Variants in CAPN7 observed in about 807,000 individuals in gnomAD.
CAPN7 encodes calpain 7.
CAPN7 carries 72 observed loss-of-function variants against 115.2 expected under a neutral mutation model. The observed-to-expected ratio is 0.63, with a 90% confidence interval of 0.52 to 0.76. The LOEUF is 0.76. Ranked by LOEUF, CAPN7 falls within the 30% of genes least tolerant of loss-of-function variation. The probability of loss-of-function intolerance (pLI) is 0.00; values close to 1 mark genes in which losing one functional copy is unlikely to be tolerated. For missense variants in CAPN7, 905 were observed against 971.5 expected (o/e 0.93, Z 0.91); for synonymous variants, 344 against 322.3 (o/e 1.07, Z -0.72).
chr3:15,233,220 G>A (rs777339295), intron 10 of CAPN7, among the ~76,000 whole-genome samples: 5 of 152,180 alleles, frequency 3.3e-5, no homozygotes, highest in Admixed American at 1.3e-4. Context: ...TCTTAAAGTC[G>A]TAAAGATGAA....
rs1289157642 is a variant in CAPN7, at chr3:15,247,411, C to T, written c.2158C>T (p.His720Tyr). The T allele has an allele frequency of 1.2e-6, 2 of 1,611,238 alleles. No homozygotes were observed. Among genetic ancestry groups the T allele is most frequent in the African/African-American group, 1.3e-5 (1 of 74,630 alleles). The change falls in exon 19 of 21, where the codon CAT (histidine) becomes TAT (tyrosine). Residue 720 changes from histidine to tyrosine, a missense_variant. Physicochemically the swap from His to Tyr is moderately conservative, Grantham distance 83. Around this residue, in one of 3 missense-constraint regions of CAPN7, gnomAD observed 620 missense variants for 703.4 expected, o/e 0.88. Transcript: ENST00000253693. The stretch of plus-strand genomic sequence containing the variant: ...CAAAAATAACCCCATCTACCAATTC[C>T]ATATAGAAAAGACTGGGCCGTTACT... ...THKNNPIYQF[H>Y]IEKTGPLLIE...
At chr3:15,226,790 A>G (rs951015323) in intron 6 of CAPN7, among the ~76,000 whole-genome samples, 2 of 152,146 alleles carry the variant, frequency 1.3e-5, no homozygotes, top group African/African-American at 4.8e-5. Context: ...TACTTTAACC[A>G]GGAGTTTGTA....
rs527592756 is a variant in CAPN7 at position 15,221,519 on chromosome 3, C to T, written c.638+538C>T. On this transcript the variant is annotated intron_variant, in intron 5 of 20. Coordinates refer to ENST00000253693, the MANE Select transcript of CAPN7 (RefSeq NM_014296.3). ...TAGTTCCAGTATATTTTAATATTAG[C>T]GTTTTTGCTAGACATAATACACTTT... is the stretch of plus-strand genomic sequence containing the variant. Among the ~76,000 whole-genome samples, 14 of 151,966 alleles carry T rather than the reference C, an allele frequency of 9.2e-5. No individual in the cohort carries two copies. In the South Asian group the frequency reaches 1.2e-3, roughly 14 times the overall value.
At chr3:15,228,920 T>C (rs1209788611) in intron 7 of CAPN7, 54 bp from the exon 8 acceptor site, 30 of 1,315,654 alleles carry the variant, frequency 2.3e-5, no homozygotes, top group Middle Eastern at 3.7e-4. Context: ...TATATTGCGG[T>C]AATGTTGAAA....
chr3:15,220,537 C>T (rs1693915728), intron 4 of CAPN7, among the ~76,000 whole-genome samples: 1 of 152,172 alleles, frequency 6.6e-6, no homozygotes, highest in Non-Finnish European at 1.5e-5. Flanking sequence ...TACCACTTAC[C>T]TTACCTTGTA....
intron 17 of CAPN7, chr3:15,245,898 T>G (rs1695630379): frequency 4.7e-6 from 2 of 427,286 alleles, no homozygotes; most frequent in African/African-American, 4.1e-5. Flanking sequence ...ATAGTAATAG[T>G]TTAGCCCCGT....
At chr3:15,212,455 T>C (rs1436425666) in intron 2 of CAPN7, among the ~76,000 whole-genome samples, 2 of 152,232 alleles carry the variant, frequency 1.3e-5, no homozygotes, top group Non-Finnish European at 2.9e-5. Context: ...GCAGAGATGG[T>C]GAATTACCTA....
At chr3:15,220,004 C>T (rs77760745) in intron 4 of CAPN7, among the ~76,000 whole-genome samples, 2,317 of 152,216 alleles carry the variant, frequency 0.015, 75 homozygotes, top group East Asian at 0.12. Context: ...AGTTCGAGAC[C>T]AGCCTGGCCA....
chr3:15,248,912 C>A (rs1559414277), intron 19 of CAPN7, among the ~76,000 whole-genome samples: 1 of 148,014 alleles, frequency 6.8e-6, no homozygotes, highest in Non-Finnish European at 1.5e-5. Flanking sequence ...GGGAGGATGA[C>A]TTGAGCCCGG....
At chr3:15,238,050 A>G (rs1318611383) in intron 12 of CAPN7, among the ~76,000 whole-genome samples, 2 of 118,438 alleles carry the variant, frequency 1.7e-5, no homozygotes, top group African/African-American at 6.3e-5. Context: ...TAGGTGCATT[A>G]TTTTTATTTT....
chr3:15,229,553 CTTTTTTTCTTTTTTTT>C (rs1694544828), intron 8 of CAPN7, among the ~76,000 whole-genome samples: 1 of 88,306 alleles, frequency 1.1e-5, no homozygotes, highest in Non-Finnish European at 2.4e-5. Flanking sequence ...ATTGGTTTTA[CTTTTTTTCTTTTTTTT>C]TTTTTTTTTT....
chr3:15,237,404 G>A (rs1695056223), intron 12 of CAPN7, among the ~76,000 whole-genome samples: 1 of 152,020 alleles, frequency 6.6e-6, no homozygotes, highest in African/African-American at 2.4e-5. Flanking sequence ...GTTCATCGCT[G>A]TCTTAACATT....
chr3:15,239,145 A>C (rs1695189413), intron 12 of CAPN7, among the ~76,000 whole-genome samples: 2 of 152,158 alleles, frequency 1.3e-5, no homozygotes, highest in Non-Finnish European at 1.5e-5. Context: ...GATGAAAGAA[A>C]CTGTATTAAT....
In CAPN7 at chr3:15,251,378, G is replaced by T. The variant is rs867067881; in HGVS notation, c.*118G>T. The T allele has an allele frequency of 2.3e-6, 2 of 862,768 alleles. No individual in the cohort carries two copies. Among genetic ancestry groups the T allele is most frequent in the Non-Finnish European group, 3.6e-6 (2 of 562,502 alleles). 53.4% of individuals were successfully genotyped at this position (862,768 alleles called of 1,614,324 possible). A position where few individuals can be genotyped will look rare whatever the true frequency, so the allele number is the denominator to read the frequency against. On this transcript the variant is annotated 3_prime_UTR_variant, in exon 21 of 21. Coordinates refer to ENST00000253693, the MANE Select transcript of CAPN7 (RefSeq NM_014296.3). Reference sequence around the variant, plus strand: ...AGAATGGAATTAAATCTCTAAAAACGTGTTACAGTGGAATCTGGTGCTTGT... The same window carrying T: ...AGAATGGAATTAAATCTCTAAAAACTTGTTACAGTGGAATCTGGTGCTTGT...
chr3:15,232,221 A>T (rs1033738175), intron 9 of CAPN7: 2 of 341,382 alleles, frequency 5.9e-6, no homozygotes, highest in Admixed American at 4.9e-5. Flanking sequence ...GAGCATTTCA[A>T]ATTTTAGATT....
rs186274805 is a variant in CAPN7 at position 15,221,329 on chromosome 3, G to A, written c.638+348G>A. On this transcript the variant is annotated intron_variant, in intron 5 of 20. Coordinates refer to ENST00000253693, the MANE Select transcript of CAPN7 (RefSeq NM_014296.3). ...CAAGTAGCTGGGACTACAGGTGTGTGCCACCACATCTGACTAATTTTTTTT... is the reference window on the plus strand; with the variant it reads ...CAAGTAGCTGGGACTACAGGTGTGTACCACCACATCTGACTAATTTTTTTT... Among the ~76,000 whole-genome samples, 731 of 147,928 alleles carry A rather than the reference G, an allele frequency of 4.9e-3. 9 individuals carry two copies. The highest frequency in any genetic ancestry group is 0.017 in the African/African-American group (684 of 39,934).
At chr3:15,221,330 C>T (rs1693970278) in intron 5 of CAPN7, among the ~76,000 whole-genome samples, 1 of 149,212 alleles carries the variant, frequency 6.7e-6, no homozygotes, top group South Asian at 2.1e-4. Flanking sequence ...CAGGTGTGTG[C>T]CACCACATCT....
chr3:15,225,160 G>T (rs879544053), intron 6 of CAPN7, among the ~76,000 whole-genome samples: 1 of 152,080 alleles, frequency 6.6e-6, no homozygotes, highest in African/African-American at 2.4e-5. Context: ...TATAATAAAG[G>T]TTACCTGCTA....
At chr3:15,218,008 G>T (rs771451804) in intron 3 of CAPN7, among the ~76,000 whole-genome samples, 4 of 152,166 alleles carry the variant, frequency 2.6e-5, no homozygotes, top group Non-Finnish European at 5.9e-5. Flanking sequence ...GCCTTGGTTG[G>T]GACTCTTAGC....
Sources: allele counts gnomAD v4.1 joint callset (sites outside exome capture counted in the v4.1 genomes callset), GRCh38; gene constraint gnomAD v4.1.1; regional missense constraint gnomAD v4.1.1; transcripts MANE v1.5; gene names NCBI Gene and HGNC (gene_info 2026-07-23, HGNC 2026-07-21).